Variants in PSMA5 observed in about 807,000 individuals in gnomAD.
PSMA5 encodes the protein proteasome subunit alpha type-5.
Under a neutral mutation model 34.5 loss-of-function variants are expected in PSMA5, and 3 were observed. The ratio of observed to expected loss-of-function variants is 0.09; its 90% CI spans 0.04 to 0.22. PSMA5 has a LOEUF of 0.22. Among genes scored for constraint, PSMA5 ranks in the 10% least tolerant of loss-of-function variants. The pLI, the probability that PSMA5 is intolerant of heterozygous loss-of-function variation, is 1.00. For missense variants in PSMA5, 120 were observed against 286.1 expected (o/e 0.42, Z 4.19); for synonymous variants, 88 against 95.8 (o/e 0.92, Z 0.47).
chr1:109,412,361 G>A, intron 4 of PSMA5, 177 bp from the exon 5 acceptor site: 1 of 563,882 alleles, frequency 1.8e-6, no homozygotes, highest in Non-Finnish European at 3.2e-6. Context: ...AAATAGCTCT[G>A]GAAATAAACA....
rs768415572 is a variant in PSMA5 at position 109,421,923 on chromosome 1, G to A, written c.33C>T (p.Gly11=). MFLTRSEYDR[G]VNTFSPEGRL... is the part of the protein sequence containing the mutation. ...TTCCTTCGGGAGAAAAAGTATTCACGCCCCTATAATTTAAAAAAAAATTAT... is the reference window on the plus strand; with the variant it reads ...TTCCTTCGGGAGAAAAAGTATTCACACCCCTATAATTTAAAAAAAAATTAT... The change falls in exon 2 of 9, where the codon GGC becomes GGT. Residue 11 remains glycine (G), a synonymous_variant. Transcript: ENST00000271308. The A allele has an allele frequency of 8.6e-6, 13 of 1,513,408 alleles. No individual in the cohort carries two copies. Among genetic ancestry groups the A allele is most frequent in the Non-Finnish European group, 1.1e-5 (13 of 1,140,734 alleles). 93.7% of individuals were successfully genotyped at this position (1,513,408 alleles called of 1,614,324 possible).
chr1:109,400,522 T>C lies in PSMA5; in HGVS notation c.*1491A>G, dbSNP rs1427313185. On this transcript the variant is annotated 3_prime_UTR_variant, in exon 9 of 9. Coordinates refer to ENST00000271308, the MANE Select transcript of PSMA5 (RefSeq NM_002790.4). Reference sequence around the variant, plus strand: ...GGATTTAATAAAACAAAGTGATCTTTAGAGAAACAAATCTCCCCATCAACA... The same window carrying C: ...GGATTTAATAAAACAAAGTGATCTTCAGAGAAACAAATCTCCCCATCAACA... 6.6e-6 allele frequency: 1 copy of C among 152,240 alleles called. No individual in the cohort carries two copies. The highest frequency in any genetic ancestry group is 2.4e-5 in the African/African-American group (1 of 41,472). The allele number at this position is 152,240 out of a possible 1,614,324, so 9.4% of individuals were successfully genotyped here.
chr1:109,405,042 A>G (rs1653691221), intron 8 of PSMA5, among the ~76,000 whole-genome samples: 1 of 152,258 alleles, frequency 6.6e-6, no homozygotes, highest in Admixed American at 6.5e-5. Context: ...ACAAAAGAAC[A>G]CGACATATTT....
chr1:109,401,816 A>AAT lies in PSMA5; in HGVS notation c.*196_*197insAT. ...CATCTCTTAAAAAAAAAAAAAAAAA[A>AAT]AAGACTATTAGAAGAGAACAGTCTA... On this transcript the variant is annotated 3_prime_UTR_variant, in exon 9 of 9. Transcript: ENST00000271308. 2 of 379,942 alleles carry AAT rather than the reference A, an allele frequency of 5.3e-6. No individual in the cohort carries two copies. Among genetic ancestry groups the AAT allele is most frequent in the Non-Finnish European group, 4.6e-6 (1 of 215,178 alleles). The allele number at this position is 379,942 out of a possible 1,614,324, so 23.5% of individuals were successfully genotyped here.
At chr1:109,426,177 T>A (rs1654649664) in intron 1 of PSMA5, 125 bp downstream of exon 1, 3 of 1,333,690 alleles carry the variant, frequency 2.2e-6, no homozygotes, top group Admixed American at 1.7e-5. Context: ...GGGCATAACA[T>A]CCCCAGGTCC....
At chr1:109,415,500 C>T in intron 2 of PSMA5, 137 bp from the exon 3 acceptor site, 1 of 737,924 alleles carries the variant, frequency 1.4e-6, no homozygotes, top group Non-Finnish European at 2.0e-6. Context: ...AAGGAGCACC[C>T]TAACATACTG....
chr1:109,415,157 C>T, intron 3 of PSMA5, 80 bp downstream of exon 3: 1 of 1,466,038 alleles, frequency 6.8e-7, no homozygotes. Flanking sequence ...GTGTTCATTT[C>T]ATAAACCTTC....
intron 8 of PSMA5, among the ~76,000 whole-genome samples, chr1:109,404,310 C>CAAAT (rs3060206): frequency 0.019 from 2,857 of 151,774 alleles, 74 homozygotes; most frequent in African/African-American, 0.055. Flanking sequence ...GATCCTGTCT[C>CAAAT]AAATAAATAA....
Position 109,413,073 on chromosome 1 carries a change from T to C in PSMA5, c.286A>G (p.Thr96Ala), listed in dbSNP as rs748022432. 1 of 1,613,532 alleles carries C rather than the reference T, an allele frequency of 6.2e-7. No homozygotes were observed. Among genetic ancestry groups the C allele is most frequent in the East Asian group, 2.2e-5 (1 of 44,868 alleles). ...KTLIDKARVETQNHWFTYNET... is the reference protein window; with the variant it reads ...KTLIDKARVEAQNHWFTYNET... Reference sequence around the variant, plus strand: ...GGAGATAATGCCAATTTTACCTGTGTCTCCACTCTGGCTTTATCAATTAAA... The same window carrying C: ...GGAGATAATGCCAATTTTACCTGTGCCTCCACTCTGGCTTTATCAATTAAA... Residue 96 changes from threonine to alanine, a missense_variant, in exon 4 of 9, where the codon ACA becomes GCA. This residue lies in a region of PSMA5 where 83 missense variants were observed against 203.2 expected (regional missense o/e 0.41). Coordinates refer to ENST00000271308, the MANE Select transcript of PSMA5 (RefSeq NM_002790.4).
At chr1:109,415,484 A>C in intron 2 of PSMA5, 121 bp from the exon 3 acceptor site, 1 of 964,532 alleles carries the variant, frequency 1.0e-6, no homozygotes, top group South Asian at 2.8e-5. Context: ...TCTTATAGGC[A>C]GAGAGAAGGA....
intron 2 of PSMA5, among the ~76,000 whole-genome samples, chr1:109,418,832 A>T (rs991409113): frequency 3.8e-4 from 58 of 152,212 alleles, no homozygotes; most frequent in African/African-American, 1.2e-3. Context: ...GCTAATAAGA[A>T]GAAAAGAAAC....
At chr1:109,412,638 A>G (rs1654038484) in intron 4 of PSMA5, 1 of 169,956 alleles carries the variant, frequency 5.9e-6, no homozygotes, top group African/African-American at 2.5e-5. Context: ...TTAAAAAAAA[A>G]AAAAACAGTA....
At chr1:109,403,853 A>C (rs967373146) in intron 8 of PSMA5, among the ~76,000 whole-genome samples, 1 of 152,158 alleles carries the variant, frequency 6.6e-6, no homozygotes, top group African/African-American at 2.4e-5. Flanking sequence ...CTTAAAAAAA[A>C]AGTTCTCCTC....
chr1:109,421,954 A>T (rs769969930), intron 1 of PSMA5, 28 bp from the exon 2 acceptor site: 1 of 1,402,356 alleles, frequency 7.1e-7, no homozygotes, highest in Non-Finnish European at 9.4e-7. Flanking sequence ...ATTATTAATT[A>T]TACTCATAAA....
chr1:109,410,937 G>A (rs962795499), intron 7 of PSMA5, 74 bp downstream of exon 7: 7 of 1,151,400 alleles, frequency 6.1e-6, no homozygotes, highest in Non-Finnish European at 8.9e-6. Flanking sequence ...GAACTCTTAA[G>A]GTTTGCACAT....
intron 8 of PSMA5, among the ~76,000 whole-genome samples, chr1:109,408,056 T>C (rs1167512017): frequency 3.3e-5 from 5 of 152,160 alleles, no homozygotes; most frequent in Non-Finnish European, 7.4e-5. Context: ...GACTTTACAA[T>C]CACTAGGAAA....
At chr1:109,409,309 G>A (rs984657253) in intron 8 of PSMA5, among the ~76,000 whole-genome samples, 3 of 152,070 alleles carry the variant, frequency 2.0e-5, no homozygotes, top group Non-Finnish European at 4.4e-5. Context: ...GGTGCGTGCC[G>A]CCACACCTGG....
At chr1:109,403,375 G>A (rs1181692109) in intron 8 of PSMA5, among the ~76,000 whole-genome samples, 3 of 151,896 alleles carry the variant, frequency 2.0e-5, no homozygotes, top group Non-Finnish European at 1.5e-5. Flanking sequence ...TGTAACCCCA[G>A]CACTTTGGGA....
chr1:109,401,798 TAA>T lies in PSMA5; in HGVS notation c.*213_*214del, dbSNP rs11314171. ...GGCAATATAGTGAGACCTCATCTCT[TAA>T]AAAAAAAAAAAAAAAAAAGACTATT... On this transcript the variant is annotated 3_prime_UTR_variant, in exon 9 of 9. Transcript: ENST00000271308. 8,852 of 201,870 alleles carry T rather than the reference TAA, an allele frequency of 0.044. 1 individual carries two copies. Among genetic ancestry groups the T allele is most frequent in the Middle Eastern group, 0.067 (42 of 626 alleles). The allele number at this position is 201,870 out of a possible 1,614,324, so 12.5% of individuals were successfully genotyped here. A position where few individuals can be genotyped will look rare whatever the true frequency, so the allele number is the denominator to read the frequency against.
Sources: allele counts gnomAD v4.1 joint callset (sites outside exome capture counted in the v4.1 genomes callset), GRCh38; gene constraint gnomAD v4.1.1; regional missense constraint gnomAD v4.1.1; transcripts MANE v1.5; gene names NCBI Gene and HGNC (gene_info 2026-07-23, HGNC 2026-07-21).